The following IMMP2L variants were observed in gnomAD, a reference collection of about 807,000 sequenced individuals.
IMMP2L encodes mitochondrial inner membrane protease subunit 2.
In IMMP2L, 18 loss-of-function variants were observed where a neutral mutation model predicts 19.3. The ratio of observed to expected loss-of-function variants is 0.93; its 90% confidence interval spans 0.64 to 1.38. The LOEUF (loss-of-function observed/expected upper bound fraction) is 1.38. Among genes scored for constraint, IMMP2L ranks in the 40% most tolerant of loss-of-function variants. IMMP2L has a pLI of 0.00. For synonymous variants in IMMP2L, 76 were observed against 73.0 expected, an observed-to-expected ratio of 1.04 and a Z score of -0.21; for missense variants, 233 against 218.2, an observed-to-expected ratio of 1.07 and a Z score of -0.43.
At chr7:110,947,094 A>T (rs889933949) in intron 4 of IMMP2L, among the ~76,000 whole-genome samples, 5 of 152,206 alleles carry the variant, frequency 3.3e-5, no homozygotes, top group African/African-American at 1.2e-4. Flanking sequence ...AAATGCATAA[A>T]ATATTCATTC....
At chr7:111,117,631 A>G (rs1800044953) in intron 3 of IMMP2L, among the ~76,000 whole-genome samples, 1 of 152,244 alleles carries the variant, frequency 6.6e-6, no homozygotes, top group East Asian at 1.9e-4. Context: ...TGCATTTAGT[A>G]TAATTCAACA....
chr7:110,780,406 T>A (rs923128744), intron 5 of IMMP2L, among the ~76,000 whole-genome samples: 1 of 151,674 alleles, frequency 6.6e-6, no homozygotes, highest in African/African-American at 2.4e-5. Context: ...TACTTGAAAA[T>A]AAGATTTTCT....
intron 3 of IMMP2L, among the ~76,000 whole-genome samples, chr7:111,370,193 T>G (rs1351808724): frequency 6.6e-6 from 1 of 152,040 alleles, no homozygotes; most frequent in Non-Finnish European, 1.5e-5. Context: ...GGCCTAGTTC[T>G]GCTGCTCTTA....
Position 110,727,011 on chromosome 7 carries a change from G to C in IMMP2L, c.409-63290C>G, listed in dbSNP as rs1795928690. On this transcript the variant is annotated intron_variant, in intron 5 of 5. Coordinates refer to ENST00000405709, the MANE Select transcript of IMMP2L (RefSeq NM_032549.4). This position sits in a 1 kb window ranked among gnomAD's most constrained non-coding sequence, Gnocchi z 4.3. Reference sequence around the variant, plus strand: ...GAGGGACCATTGGCTTTATTAGCAAGAATGGAAATGCTTCCTTAGGCATTA... The same window carrying C: ...GAGGGACCATTGGCTTTATTAGCAACAATGGAAATGCTTCCTTAGGCATTA... 6.6e-6 allele frequency among the ~76,000 whole-genome samples: 1 copy of C among 152,214 alleles called. No individual in the cohort carries two copies. The highest frequency in any genetic ancestry group is 2.1e-4 in the South Asian group (1 of 4,832).
intron 4 of IMMP2L, among the ~76,000 whole-genome samples, chr7:110,890,894 G>A (rs1012014755): frequency 1.3e-5 from 2 of 152,068 alleles, no homozygotes; most frequent in African/African-American, 4.8e-5. Context: ...GTCATCGGGT[G>A]AATACAAAAG....
intron 3 of IMMP2L, among the ~76,000 whole-genome samples, chr7:111,061,309 T>A (rs1030881864): frequency 1.3e-5 from 2 of 152,126 alleles, no homozygotes; most frequent in African/African-American, 4.8e-5. Flanking sequence ...AGGTGATCAA[T>A]GAAGCAGGAA....
At chr7:111,021,040 A>G (rs1826221498) in intron 3 of IMMP2L, among the ~76,000 whole-genome samples, 1 of 152,236 alleles carries the variant, frequency 6.6e-6, no homozygotes, top group Admixed American at 6.5e-5. Flanking sequence ...TTGCCAAAAA[A>G]TAATGTGTAG....
At chr7:110,898,078 C>A (rs147933447) in intron 4 of IMMP2L, among the ~76,000 whole-genome samples, 2 of 151,268 alleles carry the variant, frequency 1.3e-5, no homozygotes, top group African/African-American at 4.9e-5. Flanking sequence ...TATGATGTTA[C>A]CATATTTATG....
intron 3 of IMMP2L, among the ~76,000 whole-genome samples, chr7:111,065,748 G>C (rs751803713): frequency 2.0e-4 from 31 of 152,190 alleles, no homozygotes; most frequent in Admixed American, 4.6e-4. Context: ...TGGACTCCAA[G>C]TTCTTCAGCT....
intron 5 of IMMP2L, among the ~76,000 whole-genome samples, chr7:110,738,649 A>G (rs1444974619): frequency 6.6e-6 from 1 of 152,246 alleles, no homozygotes; most frequent in Non-Finnish European, 1.5e-5. Flanking sequence ...AACACATTTG[A>G]GGAAATAGTC....
chr7:110,809,211 G>A (rs1236741659), intron 5 of IMMP2L, among the ~76,000 whole-genome samples: 2 of 151,968 alleles, frequency 1.3e-5, no homozygotes, highest in Non-Finnish European at 2.9e-5. Context: ...TTAATATTCA[G>A]TAGGTAATAA....
intron 3 of IMMP2L, among the ~76,000 whole-genome samples, chr7:111,303,902 A>C (rs754032537): frequency 6.6e-6 from 1 of 151,846 alleles, no homozygotes; most frequent in Non-Finnish European, 1.5e-5. Flanking sequence ...AAAACCACAA[A>C]CCTCCCAAAC....
intron 5 of IMMP2L, among the ~76,000 whole-genome samples, chr7:110,747,897 G>C (rs1388992513): frequency 6.6e-6 from 1 of 152,168 alleles, no homozygotes; most frequent in Non-Finnish European, 1.5e-5. Flanking sequence ...GTTCTGGCCA[G>C]GGCAATCAGG....
At chr7:111,086,033 G>A (rs375608001) in intron 3 of IMMP2L, among the ~76,000 whole-genome samples, 3 of 152,066 alleles carry the variant, frequency 2.0e-5, no homozygotes, top group African/African-American at 7.2e-5. Context: ...GTTAATATGT[G>A]AGTGATGAAA....
chr7:110,932,230 A>C (rs1815574760), intron 4 of IMMP2L, among the ~76,000 whole-genome samples: 1 of 152,216 alleles, frequency 6.6e-6, no homozygotes, highest in Admixed American at 6.5e-5. Context: ...CCAGTTACAT[A>C]ATAAGAGCTG....
At position 110,907,194 on chromosome 7, in the gene IMMP2L, C is replaced by T. The variant is rs145605592; in HGVS notation, c.306-20499G>A. On this transcript the variant is annotated intron_variant, in intron 4 of 5. Transcript: ENST00000405709. ...GGAGGGTCAGTGTGACAGCCTTTTG[C>T]GCCCACACTTACGGCACCCAAGTTT... Among the ~76,000 whole-genome samples the T allele has an allele frequency of 1.8e-4, 27 of 152,212 alleles. 1 individual carries two copies. Among genetic ancestry groups the T allele is most frequent in the African/African-American group, 5.3e-4 (22 of 41,534 alleles).
At chr7:111,470,433 T>A (rs539838896) in intron 3 of IMMP2L, among the ~76,000 whole-genome samples, 5 of 152,032 alleles carry the variant, frequency 3.3e-5, no homozygotes, top group Non-Finnish European at 7.4e-5. Context: ...CGTATGTTTA[T>A]TGTGGCACTA....
At chr7:110,696,132 CAG>C (rs1255110085) in intron 5 of IMMP2L, among the ~76,000 whole-genome samples, 1 of 152,160 alleles carries the variant, frequency 6.6e-6, no homozygotes, top group Non-Finnish European at 1.5e-5. Flanking sequence ...CATGAAGACA[CAG>C]GGCATGTCAC....
At chr7:110,944,337 TTAGA>T (rs1817018050) in intron 4 of IMMP2L, among the ~76,000 whole-genome samples, 1 of 152,152 alleles carries the variant, frequency 6.6e-6, no homozygotes, top group Admixed American at 6.6e-5. Context: ...CAGGATGTTC[TTAGA>T]TGGATGGGGA....
Sources: gnomAD v4.1 joint callset for allele counts (sites outside exome capture counted in the v4.1 genomes callset) on GRCh38, gnomAD v4.1.1 for gene constraint, Gnocchi (gnomAD v3.1) non-coding constraint, MANE v1.5 for transcripts, NCBI Gene and HGNC (gene_info 2026-07-23, HGNC 2026-07-21) for gene names.